TNS3: variants seen among roughly 807,000 people sequenced by gnomAD.
The protein encoded by TNS3 is tensin 3.
In TNS3, 45 loss-of-function variants were observed where a neutral mutation model predicts 140.9. The ratio of observed to expected loss-of-function variants is 0.32; its 90% CI spans 0.25 to 0.41. The LOEUF is 0.41. TNS3 is among the 10% of genes least tolerant of loss of function. The probability of loss-of-function intolerance (pLI) is 1.00; values close to 1 mark genes in which losing one functional copy is unlikely to be tolerated. For missense variants in TNS3, 1,716 were observed against 1,906.7 expected, an observed-to-expected ratio of 0.90 and a Z score of 1.86; for synonymous variants, 815 against 788.4, an observed-to-expected ratio of 1.03 and a Z score of -0.56.
At chr7:47,571,897 T>C (rs12702352) in intron 1 of TNS3, among the ~76,000 whole-genome samples, 151,468 of 152,362 alleles carry the variant, frequency 0.99, 75,297 homozygotes, top group East Asian at 1. Flanking sequence ...AACTATGCTT[T>C]GGAAGAACTA....
At chr7:47,521,488 C>T (rs550333851) in intron 2 of TNS3, among the ~76,000 whole-genome samples, 1 of 152,302 alleles carries the variant, frequency 6.6e-6, no homozygotes, top group South Asian at 2.1e-4. Context: ...ACAGAGCCAG[C>T]CCCTCATGCC....
chr7:47,386,390 G>T (rs1331259967), intron 16 of TNS3, among the ~76,000 whole-genome samples: 1 of 152,216 alleles, frequency 6.6e-6, no homozygotes. Flanking sequence ...CCTGCACTTC[G>T]CATCAGTCTC....
intron 1 of TNS3, among the ~76,000 whole-genome samples, chr7:47,552,020 A>G (rs976826190): frequency 1.4e-5 from 2 of 144,234 alleles, no homozygotes; most frequent in Admixed American, 6.7e-5. Flanking sequence ...ATTTAAACAG[A>G]CATTGAAAAG....
chr7:47,318,253 G>A (rs1305961447), intron 20 of TNS3, among the ~76,000 whole-genome samples: 4 of 152,200 alleles, frequency 2.6e-5, no homozygotes, highest in Non-Finnish European at 5.9e-5. Context: ...TGTAGTGCGT[G>A]TCAGAACGTC....
At chr7:47,429,831 A>T (rs940861) in intron 8 of TNS3, among the ~76,000 whole-genome samples, 61,402 of 152,066 alleles carry the variant, frequency 0.4, 12,559 homozygotes, top group Non-Finnish European at 0.42. Context: ...CATACATGAA[A>T]GTCACCCAGG....
chr7:47,519,429 C>A (rs1170863600), intron 2 of TNS3, among the ~76,000 whole-genome samples: 1 of 152,194 alleles, frequency 6.6e-6, no homozygotes, highest in Non-Finnish European at 1.5e-5. Flanking sequence ...TTGTCTCCTT[C>A]AAATACACAT....
At chr7:47,558,885 C>T (rs187084267) in intron 1 of TNS3, among the ~76,000 whole-genome samples, 1 of 152,306 alleles carries the variant, frequency 6.6e-6, no homozygotes, top group Non-Finnish European at 1.5e-5. Context: ...ATGACCCCCT[C>T]GAGCCCTTCC....
At chr7:47,475,533 CGG>C (rs5884004) in intron 4 of TNS3, among the ~76,000 whole-genome samples, 27 of 151,254 alleles carry the variant, frequency 1.8e-4, no homozygotes, top group East Asian at 3.9e-4. Context: ...GGCACTTCCC[CGG>C]GGGGGGGGCC....
intron 1 of TNS3, among the ~76,000 whole-genome samples, chr7:47,578,051 C>T (rs1212205996): frequency 6.6e-6 from 1 of 151,616 alleles, no homozygotes; most frequent in Non-Finnish European, 1.5e-5. Context: ...CAGTGGCTCA[C>T]GCCTGTAACC....
intron 4 of TNS3, chr7:47,453,222 G>C: frequency 1.0e-6 from 1 of 985,372 alleles, no homozygotes; most frequent in African/African-American, 1.7e-5. Flanking sequence ...CCGGGGCTGA[G>C]GGCCAGCCTG....
At chr7:47,335,811 T>C (rs1202180067) in intron 20 of TNS3, among the ~76,000 whole-genome samples, 9 of 152,180 alleles carry the variant, frequency 5.9e-5, no homozygotes, top group Admixed American at 5.2e-4. Context: ...TGACTACTGT[T>C]GTACAGGACA....
intron 1 of TNS3, among the ~76,000 whole-genome samples, chr7:47,534,222 C>T (rs937517070): frequency 2.0e-5 from 3 of 151,900 alleles, no homozygotes; most frequent in Middle Eastern, 3.4e-3. Context: ...TGCAGTAGGC[C>T]GAGATCATGG....
intron 12 of TNS3, 79 bp from the exon 13 acceptor site, chr7:47,411,881 C>T: frequency 1.5e-6 from 2 of 1,373,228 alleles, no homozygotes; most frequent in South Asian, 1.3e-5. Flanking sequence ...AAAAGCAACC[C>T]TACAACCCAA....
chr7:47,567,481 G>A (rs909902257), intron 1 of TNS3, among the ~76,000 whole-genome samples: 2 of 152,042 alleles, frequency 1.3e-5, no homozygotes, highest in African/African-American at 4.8e-5. Flanking sequence ...TCAGGAAATC[G>A]AGACCATCCT....
chr7:47,303,492 C>T lies in TNS3; in HGVS notation c.2915G>A (p.Ser972Asn), dbSNP rs374134248. The T allele has an allele frequency of 4.3e-6, 7 of 1,610,396 alleles. No homozygotes were observed. In the South Asian group the frequency reaches 4.4e-5, roughly 10 times the overall value. Residue 972 changes from serine (S) to asparagine (N), a missense_variant, in exon 22 of 31, where the codon AGC (serine) becomes AAC (asparagine). By Grantham distance (46) the Ser-to-Asn change is conservative. Transcript: ENST00000311160. Reference sequence around the variant, plus strand: ...CTTCCTGGTACCGGAGAACTCAGCGCTGAGGGGACTTCCGGTGGGCCGGCC... The same window carrying T: ...CTTCCTGGTACCGGAGAACTCAGCGTTGAGGGGACTTCCGGTGGGCCGGCC... ...GSGRPTGSPL[S>N]AEFSGTRKDS...
At chr7:47,539,137 C>T in intron 1 of TNS3, 1 of 456,608 alleles carries the variant, frequency 2.2e-6, no homozygotes, top group Admixed American at 2.3e-5. Context: ...TAGCCCCCAG[C>T]AGGATAAAAC....
intron 4 of TNS3, among the ~76,000 whole-genome samples, chr7:47,445,322 A>G (rs1467651495): frequency 6.6e-6 from 1 of 152,178 alleles, no homozygotes; most frequent in Non-Finnish European, 1.5e-5. Context: ...AACCCCAGTA[A>G]GCAGACATCA....
At chr7:47,492,295 A>G (rs1236170895) in intron 3 of TNS3, among the ~76,000 whole-genome samples, 1 of 152,240 alleles carries the variant, frequency 6.6e-6, no homozygotes, top group Non-Finnish European at 1.5e-5. Context: ...TTTGGAGCCC[A>G]TGTGCCTGGT....
At chr7:47,419,709 G>C (rs1048559883) in intron 10 of TNS3, among the ~76,000 whole-genome samples, 10 of 152,146 alleles carry the variant, frequency 6.6e-5, no homozygotes, top group Non-Finnish European at 1.3e-4. Flanking sequence ...TAGAACCTAA[G>C]ATTGGCCTTT....
Sources: allele counts gnomAD v4.1 joint callset (sites outside exome capture counted in the v4.1 genomes callset), GRCh38; gene constraint gnomAD v4.1.1; transcripts MANE v1.5; gene names NCBI Gene and HGNC (gene_info 2026-07-23, HGNC 2026-07-21).